The following PDE3A variants were observed in gnomAD, a reference collection of about 807,000 sequenced individuals.
The protein encoded by PDE3A is cGMP-inhibited 3',5'-cyclic phosphodiesterase 3A.
PDE3A carries 43 observed loss-of-function variants against 98.3 expected under a neutral mutation model. The ratio of observed to expected loss-of-function variants is 0.44; its 90% CI spans 0.34 to 0.56. PDE3A has a LOEUF of 0.56. PDE3A is among the 20% of genes least tolerant of loss of function. The probability of loss-of-function intolerance (pLI) is 0.01; values close to 1 mark genes in which losing one functional copy is unlikely to be tolerated. For missense variants in PDE3A, 1,427 were observed against 1,440.7 expected, an observed-to-expected ratio of 0.99 and a Z score of 0.15; for synonymous variants, 663 against 567.9, an observed-to-expected ratio of 1.17 and a Z score of -2.38.
chr12:20,649,793 G>A (rs1356800479), intron 13 of PDE3A, among the ~76,000 whole-genome samples: 2 of 152,170 alleles, frequency 1.3e-5, no homozygotes, highest in East Asian at 3.9e-4. Context: ...AGGTGTGGTG[G>A]CGCACCCCTG....
At chr12:20,426,483 C>T (rs1379328783) in intron 1 of PDE3A, among the ~76,000 whole-genome samples, 1 of 152,122 alleles carries the variant, frequency 6.6e-6, no homozygotes, top group Non-Finnish European at 1.5e-5. Context: ...CGCATCACGG[C>T]TGGAATACCA....
At chr12:20,515,421 G>A (rs541939129) in intron 1 of PDE3A, among the ~76,000 whole-genome samples, 3 of 152,292 alleles carry the variant, frequency 2.0e-5, no homozygotes, top group South Asian at 2.1e-4. Flanking sequence ...ATGAATGAGT[G>A]TAAAACTCCT....
chr12:20,416,686 G>A lies in PDE3A; in HGVS notation c.960+46442G>A, dbSNP rs139956702. Among the ~76,000 whole-genome samples, 14 of 152,148 alleles carry A rather than the reference G, an allele frequency of 9.2e-5. No individual in the cohort carries two copies. In the East Asian group the frequency reaches 2.7e-3, roughly 29 times the overall value. On this transcript the variant is annotated intron_variant, in intron 1 of 15. Transcript: ENST00000359062. ...CTGAATGCCTTCATTACTTCTTAAA[G>A]CCCTCAAGAAATTATGAAAACTCAG... is the stretch of plus-strand genomic sequence containing the variant.
At chr12:20,417,302 A>G (rs1944436887) in intron 1 of PDE3A, among the ~76,000 whole-genome samples, 1 of 152,216 alleles carries the variant, frequency 6.6e-6, no homozygotes, top group Non-Finnish European at 1.5e-5. Flanking sequence ...TTATATTAGA[A>G]TGATATAATT....
Position 20,684,960 on chromosome 12 carries a change from A to G in PDE3A, c.*4689A>G, listed in dbSNP as rs558334875. On this transcript the variant is annotated 3_prime_UTR_variant, in exon 16 of 16. Coordinates refer to ENST00000359062, the MANE Select transcript of PDE3A (RefSeq NM_000921.5). The stretch of plus-strand genomic sequence containing the variant: ...TATTTTCCAGTCTATGTTATGCACC[A>G]TGGATGTTAGGCAATGTGTGCTATT... Among the ~76,000 whole-genome samples the G allele has an allele frequency of 6.6e-5, 10 of 152,324 alleles. No individual in the cohort carries two copies. The highest frequency in any genetic ancestry group is 1.3e-4 in the Admixed American group (2 of 15,302).
At chr12:20,458,574 G>A (rs1272496485) in intron 1 of PDE3A, among the ~76,000 whole-genome samples, 1 of 152,072 alleles carries the variant, frequency 6.6e-6, no homozygotes, top group African/African-American at 2.4e-5. Flanking sequence ...CTGCCTGCCT[G>A]GGAGGAGTTT....
chr12:20,640,259 A>G (rs189477677), intron 10 of PDE3A, among the ~76,000 whole-genome samples: 35 of 152,264 alleles, frequency 2.3e-4, no homozygotes, highest in South Asian at 8.3e-4. Context: ...TTATAATTTT[A>G]AAGAGGTTAT....
At chr12:20,589,591 G>A (rs1489641502) in intron 2 of PDE3A, among the ~76,000 whole-genome samples, 3 of 151,918 alleles carry the variant, frequency 2.0e-5, no homozygotes, top group Admixed American at 2.0e-4. Flanking sequence ...TCACATGGCC[G>A]GGCGCTGTGG....
Position 20,447,988 on chromosome 12 carries a change from G to A in PDE3A, c.960+77744G>A, listed in dbSNP as rs529838357. Reference sequence around the variant, plus strand: ...TTGTCAGAAGTGTTGAGTGATGTGTGAGAGTAGGAGAAACAATGGTTTTTC... The same window carrying A: ...TTGTCAGAAGTGTTGAGTGATGTGTAAGAGTAGGAGAAACAATGGTTTTTC... On this transcript the variant is annotated intron_variant, in intron 1 of 15. Coordinates refer to ENST00000359062, the MANE Select transcript of PDE3A (RefSeq NM_000921.5). Among the ~76,000 whole-genome samples the A allele has an allele frequency of 5.3e-5, 8 of 152,286 alleles. No individual in the cohort carries two copies. In the South Asian group the frequency reaches 1.7e-3, roughly 32 times the overall value.
At chr12:20,588,837 C>A (rs1943251435) in intron 2 of PDE3A, among the ~76,000 whole-genome samples, 1 of 152,162 alleles carries the variant, frequency 6.6e-6, no homozygotes, top group South Asian at 2.1e-4. Flanking sequence ...TACACCTCAA[C>A]CCTTCCCACT....
In PDE3A at chr12:20,368,650, G is replaced by C. The variant is rs1401558662; in HGVS notation, c.-635G>C. On this transcript the variant is annotated 5_prime_UTR_variant, in exon 1 of 16. Coordinates refer to ENST00000359062, the MANE Select transcript of PDE3A (RefSeq NM_000921.5). The stretch of plus-strand genomic sequence containing the variant: ...TGCCATGAATTGGATTGACAGAGGC[G>C]GGGGAGGCTTTGCTTTCTGCCCCAG... 6.6e-6 allele frequency among the ~76,000 whole-genome samples: 1 copy of C among 151,898 alleles called. No homozygotes were observed. Among genetic ancestry groups the C allele is most frequent in the Admixed American group, 6.6e-5 (1 of 15,266 alleles).
intron 1 of PDE3A, among the ~76,000 whole-genome samples, chr12:20,374,416 G>A (rs1180445545): frequency 6.6e-6 from 1 of 152,066 alleles, no homozygotes; most frequent in Non-Finnish European, 1.5e-5. Context: ...GAAATGCTGT[G>A]TATGCTGGGC....
chr12:20,444,838 G>A (rs1173736127), intron 1 of PDE3A, among the ~76,000 whole-genome samples: 1 of 152,136 alleles, frequency 6.6e-6, no homozygotes, highest in Non-Finnish European at 1.5e-5. Flanking sequence ...CCTCAGGCAT[G>A]GTAAGAAGAC....
At chr12:20,578,755 C>G (rs1268513372) in intron 2 of PDE3A, among the ~76,000 whole-genome samples, 2 of 152,110 alleles carry the variant, frequency 1.3e-5, no homozygotes, top group African/African-American at 4.8e-5. Flanking sequence ...CCCACTCTCC[C>G]TGGTCTCCCT....
At position 20,552,105 on chromosome 12, in the gene PDE3A, C is replaced by G; in HGVS notation, c.961-4555C>G. ...GAGAGCTTTCCGGCAACAAGAGGAC[C>G]GCGGAACAGTCTTGTGATCAGAAAC... On this transcript the variant is annotated intron_variant, in intron 1 of 15. Coordinates refer to ENST00000359062, the MANE Select transcript of PDE3A (RefSeq NM_000921.5). This position sits in a 1 kb window ranked among gnomAD's most constrained non-coding sequence, Gnocchi z 5.1. The G allele has an allele frequency of 2.5e-6, 4 of 1,613,034 alleles. No individual in the cohort carries two copies. In the Admixed American group the frequency reaches 6.7e-5, roughly 27 times the overall value.
chr12:20,591,232 A>T lies in PDE3A; in HGVS notation c.1012-22211A>T, dbSNP rs184414032. On this transcript the variant is annotated intron_variant, in intron 2 of 15. Coordinates refer to ENST00000359062, the MANE Select transcript of PDE3A (RefSeq NM_000921.5). ...CCTTTAGCCACAAAATAAGTTTTTG[A>T]TTGTACAGTAATATACTATATTTCA... Among the ~76,000 whole-genome samples, 263 of 152,288 alleles carry T rather than the reference A, an allele frequency of 1.7e-3. 3 individuals carry two copies. The highest frequency in any genetic ancestry group is 6.2e-3 in the African/African-American group (257 of 41,554).
chr12:20,377,524 T>C (rs1262998172), intron 1 of PDE3A, among the ~76,000 whole-genome samples: 1 of 151,776 alleles, frequency 6.6e-6, no homozygotes, highest in African/African-American at 2.4e-5. Flanking sequence ...TATTGGACAG[T>C]GCAGCTCTAT....
At chr12:20,459,326 G>A (rs1179567757) in intron 1 of PDE3A, among the ~76,000 whole-genome samples, 1 of 152,070 alleles carries the variant, frequency 6.6e-6, no homozygotes, top group East Asian at 1.9e-4. Context: ...GGATAGTTGT[G>A]AAATCTTTCC....
intron 2 of PDE3A, among the ~76,000 whole-genome samples, chr12:20,581,884 A>G: frequency 6.6e-6 from 1 of 152,122 alleles, no homozygotes; most frequent in Non-Finnish European, 1.5e-5. Context: ...AGTGGTACAT[A>G]GATTTCTAAA....
Sources: allele counts gnomAD v4.1 joint callset (sites outside exome capture counted in the v4.1 genomes callset), GRCh38; gene constraint gnomAD v4.1.1; non-coding constraint Gnocchi (gnomAD v3.1); transcripts MANE v1.5; gene names NCBI Gene and HGNC (gene_info 2026-07-23, HGNC 2026-07-21).